The following TDRD1 variants were observed in gnomAD, a reference collection of about 807,000 sequenced individuals.
TDRD1 encodes tudor domain containing 1.
A neutral mutation model predicts 140.6 loss-of-function variants in TDRD1; 37 were observed. The observed-to-expected ratio is 0.26, with a 90% confidence interval of 0.20 to 0.35. The LOEUF (loss-of-function observed/expected upper bound fraction) is 0.35. Ranked by LOEUF, TDRD1 falls within the 10% of genes least tolerant of loss-of-function variation. The pLI, the probability that TDRD1 is intolerant of heterozygous loss-of-function variation, is 1.00. For synonymous variants in TDRD1, 506 were observed against 475.7 expected (o/e 1.06, Z -0.83); for missense variants, 1,243 against 1,393.0 (o/e 0.89, Z 1.71).
At chr10:114,228,051 A>C (rs2036542798) in exon 25 of TDRD1, 1 of 1,609,850 alleles carries the variant, frequency 6.2e-7, no homozygotes, top group Admixed American at 1.7e-5. Flanking sequence ...GAAAAACATG[A>C]ACATATTCTT....
At chr10:114,219,957 C>G (rs552281786) in intron 18 of TDRD1, among the ~76,000 whole-genome samples, 1 of 152,266 alleles carries the variant, frequency 6.6e-6, no homozygotes, top group East Asian at 1.9e-4. Flanking sequence ...CCCAAACCAG[C>G]AACATCAACA....
chr10:114,218,370 T>C, intron 17 of TDRD1, 44 bp from the exon 18 acceptor site: 8 of 1,330,970 alleles, frequency 6.0e-6, no homozygotes, highest in Non-Finnish European at 7.9e-6. Context: ...CAAGTGTCGA[T>C]AGAAAGGAAA....
chr10:114,197,556 A>AT (rs796943455), intron 3 of TDRD1, among the ~76,000 whole-genome samples: 31 of 131,738 alleles, frequency 2.4e-4, no homozygotes, highest in Admixed American at 2.9e-4. Flanking sequence ...TGGGCGCTTG[A>AT]TTTTTTTTTT....
chr10:114,220,815 G>A (rs1275712739), exon 19 of TDRD1: 1 of 1,610,746 alleles, frequency 6.2e-7, no homozygotes, highest in East Asian at 2.2e-5. Context: ...ATAAACATGA[G>A]CTTCAAGTTC....
intron 4 of TDRD1, among the ~76,000 whole-genome samples, chr10:114,200,035 T>C (rs1054840645): frequency 6.6e-6 from 1 of 152,208 alleles, no homozygotes. Context: ...TACTAAACCA[T>C]TTTCAAGGTA....
At chr10:114,218,566 A>G in exon 18 of TDRD1, 2 of 1,606,892 alleles carry the variant, frequency 1.2e-6, no homozygotes, top group Non-Finnish European at 1.7e-6. Context: ...CTTTCAGGGA[A>G]TACGGTGCCA....
Position 114,218,316 on chromosome 10 carries a change from A to G in TDRD1, c.2324-98A>G, listed in dbSNP as rs536388372. 9.8e-6 allele frequency: 8 copies of G among 813,774 alleles called. No individual in the cohort carries two copies. In the African/African-American group the frequency reaches 1.2e-4, roughly 13 times the overall value. 50.4% of individuals were successfully genotyped at this position (813,774 alleles called of 1,614,324 possible). A position where few individuals can be genotyped will look rare whatever the true frequency, so the allele number is the denominator to read the frequency against. ...ATTTGGGAAAGTAAGCAAATTTATTACCTACTTTTAGACAAAGGGTGGCTT... is the reference window on the plus strand; with the variant it reads ...ATTTGGGAAAGTAAGCAAATTTATTGCCTACTTTTAGACAAAGGGTGGCTT... On this transcript the variant is annotated intron_variant, in intron 17 of 25. Coordinates refer to ENST00000251864, the Ensembl canonical transcript of TDRD1.
At chr10:114,203,119 G>A (rs1289594318) in exon 7 of TDRD1, 1 of 1,613,940 alleles carries the variant, frequency 6.2e-7, no homozygotes, top group Admixed American at 1.7e-5. Flanking sequence ...TTTGGGCTGA[G>A]AGAATAATGT....
At chr10:114,227,718 G>A (rs1455375566) in intron 23 of TDRD1, among the ~76,000 whole-genome samples, 192 bp from the exon 24 acceptor site, 1 of 152,222 alleles carries the variant, frequency 6.6e-6, no homozygotes, top group Non-Finnish European at 1.5e-5. Flanking sequence ...AAACCTTGGA[G>A]ACATGGGTTG....
exon 2 of TDRD1, chr10:114,188,080 T>G (rs752830178): frequency 1.2e-6 from 2 of 1,613,676 alleles, no homozygotes; most frequent in Admixed American, 1.7e-5. Context: ...AGGAAGACAA[T>G]TCAGTTTCTT....
chr10:114,231,066 C>CA (rs1410543140), intron 25 of TDRD1, among the ~76,000 whole-genome samples: 1 of 151,812 alleles, frequency 6.6e-6, no homozygotes, highest in Non-Finnish European at 1.5e-5. Flanking sequence ...GACCCTGTCT[C>CA]AAAAAAATAA....
At chr10:114,206,611 G>GTTT (rs33936742) in intron 11 of TDRD1, among the ~76,000 whole-genome samples, 6 of 105,974 alleles carry the variant, frequency 5.7e-5, no homozygotes, top group South Asian at 3.0e-4. Flanking sequence ...GTTAGGGTTT[G>GTTT]TTTTTTTTTT....
chr10:114,205,690 G>T (rs1329829), intron 10 of TDRD1, among the ~76,000 whole-genome samples: 30,049 of 152,058 alleles, frequency 0.2, 3,101 homozygotes, highest in African/African-American at 0.25. Context: ...TCAAATAGAG[G>T]GTAGAATGGT....
At chr10:114,205,432 C>T (rs1258363963) in intron 10 of TDRD1, among the ~76,000 whole-genome samples, 1 of 152,156 alleles carries the variant, frequency 6.6e-6, no homozygotes, top group Non-Finnish European at 1.5e-5. Flanking sequence ...GGTAGAAAAT[C>T]GGCTAATCTC....
chr10:114,186,910 G>A (rs535157435), intron 1 of TDRD1, among the ~76,000 whole-genome samples: 1 of 152,156 alleles, frequency 6.6e-6, no homozygotes, highest in African/African-American at 2.4e-5. Context: ...TTCTATTCAA[G>A]ACCATGTTAA....
chr10:114,197,256 T>C (rs2034427584), intron 3 of TDRD1, among the ~76,000 whole-genome samples: 1 of 152,182 alleles, frequency 6.6e-6, no homozygotes, highest in African/African-American at 2.4e-5. Flanking sequence ...ACTATTCATT[T>C]ATTAATTCAT....
In TDRD1 at chr10:114,203,241, A is replaced by G. The variant is rs1589682578; in HGVS notation, c.801+65A>G. ...AGAACTGTATTTATTCTCGTTTCCTATTTTTGAGTTCATGCGGTAGCTACA... is the reference window on the plus strand; with the variant it reads ...AGAACTGTATTTATTCTCGTTTCCTGTTTTTGAGTTCATGCGGTAGCTACA... On this transcript the variant is annotated intron_variant, in intron 7 of 25. Transcript: ENST00000251864. The G allele has an allele frequency of 1.3e-5, 19 of 1,504,818 alleles. No individual in the cohort carries two copies. The Middle Eastern group carries it at 5.9e-4, about 47-fold the overall frequency. 93.2% of individuals were successfully genotyped at this position (1,504,818 alleles called of 1,614,324 possible).
chr10:114,175,580 A>C (rs182629747), upstream of TDRD1, among the ~76,000 whole-genome samples: 215 of 152,288 alleles, frequency 1.4e-3, 1 homozygote, highest in Admixed American at 0.012. Flanking sequence ...AGCATTGCCC[A>C]AAAAAAGTTA....
chr10:114,218,918 G>A, intron 18 of TDRD1, among the ~76,000 whole-genome samples: 1 of 152,226 alleles, frequency 6.6e-6, no homozygotes, highest in East Asian at 1.9e-4. Flanking sequence ...GCACAGAATA[G>A]GTTACAAAAA....
Sources: allele counts gnomAD v4.1 joint callset (sites outside exome capture counted in the v4.1 genomes callset), GRCh38; gene constraint gnomAD v4.1.1; transcripts MANE v1.5; gene names NCBI Gene and HGNC (gene_info 2026-07-23, HGNC 2026-07-21).